PDGFRL: variants seen among roughly 807,000 people sequenced by gnomAD.
PDGFRL encodes platelet derived growth factor receptor like.
A neutral mutation model predicts 37.2 loss-of-function variants in PDGFRL; 46 were observed. The ratio of observed to expected loss-of-function variants is 1.24; its 90% CI spans 0.98 to 1.58. PDGFRL has a LOEUF of 1.58. PDGFRL is among the 40% of genes most tolerant of loss of function. The probability of loss-of-function intolerance (pLI) is 0.00; values close to 1 mark genes in which losing one functional copy is unlikely to be tolerated. For synonymous variants in PDGFRL, 251 were observed against 184.3 expected (o/e 1.36, Z -2.93); for missense variants, 692 against 467.6 (o/e 1.48, Z -4.43).
intron 3 of PDGFRL, among the ~76,000 whole-genome samples, chr8:17,626,359 C>G (rs1804733842): frequency 6.6e-6 from 1 of 152,186 alleles, no homozygotes; most frequent in Non-Finnish European, 1.5e-5. Context: ...ACCTCCCAGC[C>G]TGATGGAAAC....
intron 2 of PDGFRL, among the ~76,000 whole-genome samples, chr8:17,614,211 A>G (rs1418797093): frequency 6.6e-6 from 1 of 152,218 alleles, no homozygotes; most frequent in East Asian, 1.9e-4. Flanking sequence ...TACAAGAACT[A>G]TATTCACTTT....
chr8:17,583,123 A>T (rs1268503608), intron 1 of PDGFRL, among the ~76,000 whole-genome samples: 1 of 152,182 alleles, frequency 6.6e-6, no homozygotes, highest in African/African-American at 2.4e-5. Context: ...TGCAAGAGTG[A>T]TGGAGGCTTA....
At position 17,594,647 on chromosome 8, in the gene PDGFRL, C is replaced by T. The variant is rs191117153; in HGVS notation, c.353+4882C>T. 3.7e-4 allele frequency among the ~76,000 whole-genome samples: 57 copies of T among 152,156 alleles called. No individual in the cohort carries two copies. In the Middle Eastern group the frequency reaches 0.014, roughly 36 times the overall value. ...TCAGCTCACGGCAACCTCCGCCTCC[C>T]GGGTTCAAGCGATTCTCCTGCCTCA... On this transcript the variant is annotated intron_variant, in intron 2 of 5. Transcript: ENST00000251630.
intron 2 of PDGFRL, among the ~76,000 whole-genome samples, chr8:17,610,736 C>A (rs1268770510): frequency 6.6e-6 from 1 of 152,148 alleles, no homozygotes; most frequent in Non-Finnish European, 1.5e-5. Context: ...TATGGTGAAA[C>A]CCCGTCACTA....
At chr8:17,576,716 CCAGA>C, upstream of PDGFRL, 1 of 984,658 alleles carries the variant, frequency 1.0e-6, no homozygotes, top group Non-Finnish European at 1.2e-6. Context: ...CCAACTCTGG[CCAGA>C]CACAGAGGAG....
At chr8:17,604,321 A>G (rs1194030726) in intron 2 of PDGFRL, among the ~76,000 whole-genome samples, 1 of 152,188 alleles carries the variant, frequency 6.6e-6, no homozygotes, top group African/African-American at 2.4e-5. Context: ...AATAGCAAAG[A>G]CTTGGAACCA....
intron 3 of PDGFRL, among the ~76,000 whole-genome samples, chr8:17,624,520 C>G (rs1352558590): frequency 3.3e-5 from 5 of 152,104 alleles, no homozygotes; most frequent in African/African-American, 9.7e-5. Context: ...TAACTCCCAC[C>G]CAGATCAAGG....
At chr8:17,578,176 C>A (rs13263776) in intron 1 of PDGFRL, among the ~76,000 whole-genome samples, 21,081 of 152,040 alleles carry the variant, frequency 0.14, 1,507 homozygotes, top group Middle Eastern at 0.19. Flanking sequence ...CTGGGTGCCT[C>A]CTGGTGTCCT....
At chr8:17,581,209 C>G (rs1423684025) in intron 1 of PDGFRL, among the ~76,000 whole-genome samples, 1 of 152,028 alleles carries the variant, frequency 6.6e-6, no homozygotes, top group Non-Finnish European at 1.5e-5. Flanking sequence ...AGCCATAAGC[C>G]TGCCTGAAAC....
intron 2 of PDGFRL, among the ~76,000 whole-genome samples, chr8:17,600,419 G>A (rs1053770637): frequency 5.3e-5 from 8 of 152,074 alleles, no homozygotes; most frequent in Admixed American, 1.3e-4. Context: ...ACTTGCTGGC[G>A]AATGCCCTCG....
At chr8:17,607,469 T>C (rs1232104164) in intron 2 of PDGFRL, among the ~76,000 whole-genome samples, 3 of 152,198 alleles carry the variant, frequency 2.0e-5, no homozygotes, top group Non-Finnish European at 4.4e-5. Flanking sequence ...TTCTGGTAAG[T>C]CTAGGATTGA....
intron 2 of PDGFRL, among the ~76,000 whole-genome samples, chr8:17,611,381 G>A (rs1563518622): frequency 6.6e-6 from 1 of 152,156 alleles, no homozygotes; most frequent in Admixed American, 6.5e-5. Context: ...GTAGTTCAAG[G>A]TCACATAGCC....
At chr8:17,585,127 C>T (rs1056094704) in intron 1 of PDGFRL, among the ~76,000 whole-genome samples, 30 of 152,086 alleles carry the variant, frequency 2.0e-4, no homozygotes, top group Admixed American at 1.8e-3. Flanking sequence ...CATGCTAATG[C>T]ATTATAATTA....
At chr8:17,580,292 CT>C (rs1427970737) in intron 1 of PDGFRL, among the ~76,000 whole-genome samples, 1 of 151,856 alleles carries the variant, frequency 6.6e-6, no homozygotes, top group Non-Finnish European at 1.5e-5. Flanking sequence ...AACCAAGAGC[CT>C]TTGACACTTT....
At chr8:17,585,172 C>A (rs1374939386) in intron 1 of PDGFRL, among the ~76,000 whole-genome samples, 3 of 152,102 alleles carry the variant, frequency 2.0e-5, no homozygotes, top group African/African-American at 7.2e-5. Flanking sequence ...CTAGAGGTCA[C>A]GTTCGTGGCC....
At chr8:17,585,703 G>C (rs1159971407) in intron 1 of PDGFRL, among the ~76,000 whole-genome samples, 1 of 152,130 alleles carries the variant, frequency 6.6e-6, no homozygotes, top group Admixed American at 6.5e-5. Flanking sequence ...AACAGCTCTA[G>C]CGCTTTGATA....
chr8:17,589,829 T>C (rs1803896896), intron 2 of PDGFRL, 64 bp downstream of exon 2: 3 of 919,556 alleles, frequency 3.3e-6, no homozygotes, highest in African/African-American at 3.3e-5. Context: ...AAATTCCTTC[T>C]TAACTATTAT....
intron 3 of PDGFRL, among the ~76,000 whole-genome samples, chr8:17,621,695 T>C (rs942224934): frequency 2.6e-5 from 4 of 152,346 alleles, no homozygotes; most frequent in African/African-American, 9.6e-5. Context: ...AGAGAGAACA[T>C]TCCCTTTATC....
chr8:17,605,465 AT>A (rs1318259492), intron 2 of PDGFRL, among the ~76,000 whole-genome samples: 1 of 152,192 alleles, frequency 6.6e-6, no homozygotes, highest in Non-Finnish European at 1.5e-5. Context: ...AACGTGACCC[AT>A]TTGCATCTTC....
Sources: allele counts gnomAD v4.1 joint callset (sites outside exome capture counted in the v4.1 genomes callset), GRCh38; gene constraint gnomAD v4.1.1; transcripts MANE v1.5; gene names NCBI Gene and HGNC (gene_info 2026-07-23, HGNC 2026-07-21).